The following DLD variants were observed in gnomAD, a reference collection of about 807,000 sequenced individuals.
DLD encodes the protein dihydrolipoyl dehydrogenase, mitochondrial.
Under a neutral mutation model 62.2 loss-of-function variants are expected in DLD, and 36 were observed. The ratio of observed to expected loss-of-function variants is 0.58; its 90% CI spans 0.44 to 0.76. The LOEUF (loss-of-function observed/expected upper bound fraction) is 0.76, where lower values mean the gene tolerates loss of function less well. Ranked by LOEUF, DLD falls within the 30% of genes least tolerant of loss-of-function variation. DLD has a pLI of 0.00. For missense variants in DLD, 541 were observed against 608.6 expected (o/e 0.89, Z 1.17); for synonymous variants, 204 against 199.6 (o/e 1.02, Z -0.19).
chr7:107,914,809 G>A (rs531056179), intron 8 of DLD, among the ~76,000 whole-genome samples: 2 of 152,208 alleles, frequency 1.3e-5, no homozygotes, highest in South Asian at 4.1e-4. Flanking sequence ...TTATTTAGAA[G>A]TTATACTAAT....
chr7:107,899,998 A>G (rs1367177984), intron 2 of DLD, among the ~76,000 whole-genome samples: 1 of 152,072 alleles, frequency 6.6e-6, no homozygotes, highest in Non-Finnish European at 1.5e-5. Flanking sequence ...AATACATTTT[A>G]TTAGATACTT....
chr7:107,891,342 C>A (rs1243191957), intron 1 of DLD, 53 bp downstream of exon 1: 4 of 1,603,190 alleles, frequency 2.5e-6, no homozygotes, highest in Non-Finnish European at 3.4e-6. Context: ...GAAGGTCCCG[C>A]TCAGTGGGTC....
At chr7:107,901,337 C>G (rs113591540) in intron 2 of DLD, among the ~76,000 whole-genome samples, 13 of 152,020 alleles carry the variant, frequency 8.6e-5, no homozygotes, top group African/African-American at 3.1e-4. Flanking sequence ...ACTCATTGGC[C>G]GTGCTGAGAT....
chr7:107,900,478 CT>C (rs1439799610), intron 2 of DLD, among the ~76,000 whole-genome samples: 1 of 151,798 alleles, frequency 6.6e-6, no homozygotes, highest in Non-Finnish European at 1.5e-5. Flanking sequence ...TGTGGTCTTT[CT>C]TTTGCCAGGT....
At chr7:107,906,930 A>T (rs2032022415) in intron 8 of DLD, among the ~76,000 whole-genome samples, 1 of 152,182 alleles carries the variant, frequency 6.6e-6, no homozygotes, top group South Asian at 2.1e-4. Context: ...AACACCAGGA[A>T]TTGCTCTACT....
At chr7:107,910,571 A>G (rs2116242919) in intron 8 of DLD, among the ~76,000 whole-genome samples, 1 of 152,268 alleles carries the variant, frequency 6.6e-6, no homozygotes, top group Non-Finnish European at 1.5e-5. Flanking sequence ...GTGTTAAAAA[A>G]CATCTTTTTT....
chr7:107,891,395 C>T, intron 1 of DLD, 106 bp downstream of exon 1: 2 of 1,286,190 alleles, frequency 1.6e-6, no homozygotes, highest in Non-Finnish European at 1.1e-6. Context: ...AGGCGGGCGC[C>T]TGGGCCGCAC....
Position 107,893,237 on chromosome 7 carries a change from G to A in DLD, c.77G>A (p.Gly26Glu), listed in dbSNP as rs748861222. The A allele has an allele frequency of 6.2e-7, 1 of 1,613,470 alleles. No individual in the cohort carries two copies. The highest frequency in any genetic ancestry group is 1.1e-5 in the South Asian group (1 of 90,916). ...AATCGAATATCTCATGGCCTACAGGGACTTTCTGCAGTGCCTCTGAGAACT... is the reference window on the plus strand; with the variant it reads ...AATCGAATATCTCATGGCCTACAGGAACTTTCTGCAGTGCCTCTGAGAACT... ...HFNRISHGLQ[G>E]LSAVPLRTYA... Residue 26 changes from glycine to glutamate, a missense_variant, in exon 2 of 14, where the codon GGA (glycine) becomes GAA (glutamate). Gly to Glu is a moderately conservative substitution (Grantham distance 98). Coordinates refer to ENST00000205402, the MANE Select transcript of DLD (RefSeq NM_000108.5).
At chr7:107,915,011 T>G (rs892053686) in intron 8 of DLD, among the ~76,000 whole-genome samples, 3 of 152,188 alleles carry the variant, frequency 2.0e-5, no homozygotes, top group African/African-American at 4.8e-5. Context: ...AGAGCAACAC[T>G]CTTGCCCCAG....
intron 9 of DLD, 25 bp downstream of exon 9, chr7:107,915,721 ATGTATC>A (rs762138098): frequency 2.5e-5 from 40 of 1,603,122 alleles, no homozygotes; most frequent in East Asian, 1.6e-4. Flanking sequence ...TTTGTTTTTG[ATGTATC>A]ATCCCTGTCT....
At chr7:107,905,816 A>C in intron 7 of DLD, 1 of 377,468 alleles carries the variant, frequency 2.6e-6, no homozygotes, top group Non-Finnish European at 4.9e-6. Flanking sequence ...AGATACCTCA[A>C]AACAAATAAA....
chr7:107,915,485 G>A (rs760986041), intron 8 of DLD, 21 bp from the exon 9 acceptor site: 1 of 1,612,606 alleles, frequency 6.2e-7, no homozygotes, highest in Non-Finnish European at 8.5e-7. Context: ...TGATTATTGG[G>A]TTTTTTTAAT....
rs1305535948 is a variant in DLD at position 107,919,491 on chromosome 7, T to G, written c.*232T>G. 2 of 409,100 alleles carry G rather than the reference T, an allele frequency of 4.9e-6. No homozygotes were observed. Among genetic ancestry groups the G allele is most frequent in the Non-Finnish European group, 8.7e-6 (2 of 229,682 alleles). 25.3% of individuals were successfully genotyped at this position (409,100 alleles called of 1,614,324 possible). ...GTGTAAGACAAAAAGCTACTTATTG[T>G]AGCATCCTGGAATATCTCCGTCAAC... is the stretch of plus-strand genomic sequence containing the variant. On this transcript the variant is annotated 3_prime_UTR_variant, in exon 14 of 14. Coordinates refer to ENST00000205402, the MANE Select transcript of DLD (RefSeq NM_000108.5).
In DLD at chr7:107,904,676, G is replaced by A. The variant is rs75116491; in HGVS notation, c.338-282G>A. Reference sequence around the variant, plus strand: ...CATATCTTCCAGACTTATAACCATCGTAAAGTGTTCAGAGGATATGTTATC... The same window carrying A: ...CATATCTTCCAGACTTATAACCATCATAAAGTGTTCAGAGGATATGTTATC... On this transcript the variant is annotated intron_variant, in intron 5 of 13. Coordinates refer to ENST00000205402, the MANE Select transcript of DLD (RefSeq NM_000108.5). 1,841 of 518,208 alleles carry A rather than the reference G, an allele frequency of 3.6e-3. 25 individuals are homozygous for A. Among genetic ancestry groups the A allele is most frequent in the African/African-American group, 0.031 (1,641 of 52,434 alleles). The allele number at this position is 518,208 out of a possible 1,614,324, so 32.1% of individuals were successfully genotyped here. A position where few individuals can be genotyped will look rare whatever the true frequency, so the allele number is the denominator to read the frequency against.
Position 107,917,967 on chromosome 7 carries a change from G to A in DLD, c.1280G>A (p.Ser427Asn). 6.2e-7 allele frequency: 1 copy of A among 1,614,114 alleles called. No individual in the cohort carries two copies. Among genetic ancestry groups the A allele is most frequent in the South Asian group, 1.1e-5 (1 of 91,082 alleles). The change falls in exon 12 of 14, where the codon AGC (serine) becomes AAC (asparagine). Residue 427 changes from serine (S) to asparagine (N), a missense_variant. By Grantham distance (46) the Ser-to-Asn change is conservative. Coordinates refer to ENST00000205402, the MANE Select transcript of DLD (RefSeq NM_000108.5). ...GGGAAATTCCCATTTGCTGCTAACA[G>A]CAGAGCTAAGACAAATGCTGACACA... ...KVGKFPFAAN[S>N]RAKTNADTDG...
chr7:107,902,400 A>G lies in DLD; in HGVS notation c.267+7A>G, dbSNP rs753690508. On this transcript the variant is annotated splice_region_variant and intron_variant, in intron 4 of 13. Coordinates refer to ENST00000205402, the MANE Select transcript of DLD (RefSeq NM_000108.5). Reference sequence around the variant, plus strand: ...TGGTTGTATTCCTTCTAAGGTGAGCATGTGTTTTGTACAGCACAGAGATTG... The same window carrying G: ...TGGTTGTATTCCTTCTAAGGTGAGCGTGTGTTTTGTACAGCACAGAGATTG... The G allele has an allele frequency of 6.8e-6, 11 of 1,613,508 alleles. No homozygotes were observed. The highest frequency in any genetic ancestry group is 9.3e-6 in the Non-Finnish European group (11 of 1,179,632).
intron 2 of DLD, among the ~76,000 whole-genome samples, chr7:107,898,269 CCTT>C (rs2031781075): frequency 1.8e-5 from 2 of 109,954 alleles, no homozygotes; most frequent in African/African-American, 7.1e-5. Context: ...TTTTCTGTAT[CCTT>C]TTTTTTTTTT....
At chr7:107,917,572 A>G (rs755733136) in intron 11 of DLD, 110 bp downstream of exon 11, 32 of 1,101,524 alleles carry the variant, frequency 2.9e-5, no homozygotes, top group Non-Finnish European at 4.1e-5. Flanking sequence ...CAGCTGTGAA[A>G]TATTGTTTAG....
chr7:107,906,587 A>G (rs1474858576), intron 8 of DLD, among the ~76,000 whole-genome samples: 2 of 152,102 alleles, frequency 1.3e-5, no homozygotes. Flanking sequence ...GTTTCCTTGT[A>G]CCTTCCACCC....
Sources: gnomAD v4.1 joint callset for allele counts (sites outside exome capture counted in the v4.1 genomes callset) on GRCh38, gnomAD v4.1.1 for gene constraint, MANE v1.5 for transcripts, NCBI Gene and HGNC (gene_info 2026-07-23, HGNC 2026-07-21) for gene names.